Variants in TRANK1 observed in about 807,000 individuals in gnomAD.
The protein encoded by TRANK1 is tetratricopeptide repeat and ankyrin repeat containing 1.
TRANK1 carries 198 observed loss-of-function variants against 266.0 expected under a neutral mutation model. The ratio of observed to expected loss-of-function variants is 0.74; its 90% CI spans 0.66 to 0.84. The LOEUF (loss-of-function observed/expected upper bound fraction) is 0.84. Among genes scored for constraint, TRANK1 ranks in the 40% least tolerant of loss-of-function variants. The pLI, the probability that TRANK1 is intolerant of heterozygous loss-of-function variation, is 0.00. For missense variants in TRANK1, 3,326 were observed against 3,634.6 expected (o/e 0.92, Z 2.18); for synonymous variants, 1,396 against 1,384.1 (o/e 1.01, Z -0.19).
In TRANK1 at chr3:36,828,243, C is replaced by T. The variant is rs772742117; in HGVS notation, c.*32G>A. On this transcript the variant is annotated 3_prime_UTR_variant, in exon 24 of 24. Coordinates refer to ENST00000645898, the MANE Select transcript of TRANK1 (RefSeq NM_001329998.2). ...AATTCTAAGTCAGAATGGAATGTTCCGAAGGATGAGGAGGCTGCAGCTGTG... is the reference window on the plus strand; with the variant it reads ...AATTCTAAGTCAGAATGGAATGTTCTGAAGGATGAGGAGGCTGCAGCTGTG... 12 of 1,507,388 alleles carry T rather than the reference C, an allele frequency of 8.0e-6. No individual in the cohort carries two copies. The East Asian group carries it at 9.1e-5, about 11-fold the overall frequency. 93.4% of individuals were successfully genotyped at this position (1,507,388 alleles called of 1,614,324 possible). A position where few individuals can be genotyped will look rare whatever the true frequency, so the allele number is the denominator to read the frequency against.
At chr3:36,901,502 CA>C (rs1421777372) in intron 3 of TRANK1, among the ~76,000 whole-genome samples, 1 of 152,168 alleles carries the variant, frequency 6.6e-6, no homozygotes, top group Non-Finnish European at 1.5e-5. Flanking sequence ...TTAAAAATAT[CA>C]TAGAAGATCT....
intron 1 of TRANK1, among the ~76,000 whole-genome samples, chr3:36,917,757 CA>C (rs2080146413): frequency 6.6e-6 from 1 of 151,922 alleles, no homozygotes; most frequent in African/African-American, 2.4e-5. Flanking sequence ...ATATTGCCCC[CA>C]AAGGAAAGAA....
chr3:36,940,690 C>T (rs1396005033), intron 1 of TRANK1, among the ~76,000 whole-genome samples: 1 of 152,148 alleles, frequency 6.6e-6, no homozygotes, highest in Non-Finnish European at 1.5e-5. Context: ...CTCCACTAAT[C>T]CTTTTCCACA....
chr3:36,910,071 A>G (rs1348934267), intron 1 of TRANK1, among the ~76,000 whole-genome samples: 2 of 152,248 alleles, frequency 1.3e-5, no homozygotes, highest in African/African-American at 4.8e-5. Context: ...CCTCCGTTAT[A>G]AATAGCTTTC....
intron 1 of TRANK1, among the ~76,000 whole-genome samples, chr3:36,933,775 A>G (rs927449699): frequency 2.6e-5 from 4 of 152,244 alleles, no homozygotes; most frequent in Non-Finnish European, 5.9e-5. Context: ...TGGTAAAAAC[A>G]TAGCCCTAGT....
At chr3:36,931,468 A>G (rs2080359178) in intron 1 of TRANK1, among the ~76,000 whole-genome samples, 1 of 150,928 alleles carries the variant, frequency 6.6e-6, no homozygotes, top group African/African-American at 2.4e-5. Flanking sequence ...ACTCTGGGGA[A>G]CCAAGGCAGG....
intron 1 of TRANK1, 81 bp from the exon 2 acceptor site, chr3:36,908,535 G>A: frequency 8.1e-7 from 1 of 1,231,758 alleles, no homozygotes. Flanking sequence ...CTGAAATCTG[G>A]AGAAGGAGTT....
At chr3:36,847,434 T>C in intron 15 of TRANK1, 88 bp from the exon 16 acceptor site, 1 of 1,447,126 alleles carries the variant, frequency 6.9e-7, no homozygotes, top group Non-Finnish European at 9.4e-7. Flanking sequence ...AAACTAAGCC[T>C]CATCGGGGGA....
At chr3:36,842,798 C>G (rs977303669) in intron 17 of TRANK1, 88 bp from the exon 18 acceptor site, 1 of 1,163,334 alleles carries the variant, frequency 8.6e-7, no homozygotes, top group East Asian at 2.5e-5. Flanking sequence ...TCTCCTCCGC[C>G]AGCCATCAAA....
intron 9 of TRANK1, among the ~76,000 whole-genome samples, chr3:36,872,632 T>G (rs1322235532): frequency 6.6e-6 from 1 of 151,986 alleles, no homozygotes; most frequent in Non-Finnish European, 1.5e-5. Flanking sequence ...ACAAGATAAA[T>G]TATAAAAGGA....
Position 36,856,358 on chromosome 3 carries a change from C to G in TRANK1, c.3364G>C (p.Glu1122Gln), listed in dbSNP as rs1239738032. 1 of 1,580,022 alleles carries G rather than the reference C, an allele frequency of 6.3e-7. No homozygotes were observed. The highest frequency in any genetic ancestry group is 8.6e-7 in the Non-Finnish European group (1 of 1,162,986). Residue 1122 changes from glutamate to glutamine, a missense_variant, in exon 13 of 24, where the codon GAA becomes CAA. By Grantham distance (29) the Glu-to-Gln change is conservative. Coordinates refer to ENST00000645898, the MANE Select transcript of TRANK1 (RefSeq NM_001329998.2). ...QVWLKRRLEVEPGKESPGGEE... is the reference protein window; with the variant it reads ...QVWLKRRLEVQPGKESPGGEE... ...CCACCTGGACTCTCTTTTCCGGGTT[C>G]CACTTCCAACCTTCTCTTCAGCCAG...
chr3:36,901,846 G>A (rs1423974580), intron 3 of TRANK1, among the ~76,000 whole-genome samples: 1 of 152,198 alleles, frequency 6.6e-6, no homozygotes, highest in Non-Finnish European at 1.5e-5. Context: ...CTTGATGTAA[G>A]AGCATCAAGT....
intron 7 of TRANK1, 48 bp downstream of exon 7, chr3:36,892,154 T>C (rs771803789): frequency 1.3e-6 from 2 of 1,523,436 alleles, no homozygotes; most frequent in African/African-American, 1.4e-5. Flanking sequence ...GTTCCAGAAC[T>C]AGGCTAGAAG....
chr3:36,861,389 A>T (rs1322469516), intron 10 of TRANK1, among the ~76,000 whole-genome samples: 1 of 152,216 alleles, frequency 6.6e-6, no homozygotes, highest in Non-Finnish European at 1.5e-5. Context: ...CCCAGGAGAC[A>T]GAAGAATGAT....
At chr3:36,892,375 A>C in intron 6 of TRANK1, 35 bp from the exon 7 acceptor site, 1 of 1,536,304 alleles carries the variant, frequency 6.5e-7, no homozygotes, top group South Asian at 1.2e-5. Context: ...AAATTATGGA[A>C]GTCACTAATC....
chr3:36,879,041 T>C (rs1002978078), intron 8 of TRANK1, among the ~76,000 whole-genome samples: 3 of 152,010 alleles, frequency 2.0e-5, no homozygotes, highest in South Asian at 4.1e-4. Context: ...TTGATACACA[T>C]GGCTTCAGGA....
intron 1 of TRANK1, among the ~76,000 whole-genome samples, chr3:36,911,925 G>A (rs1396059916): frequency 2.0e-5 from 3 of 152,094 alleles, no homozygotes; most frequent in East Asian, 1.9e-4. Flanking sequence ...AGTGGCTCAC[G>A]CCTGTAAACC....
At chr3:36,860,089 T>C (rs11129738) in intron 11 of TRANK1, among the ~76,000 whole-genome samples, 35,675 of 152,138 alleles carry the variant, frequency 0.23, 4,761 homozygotes, top group East Asian at 0.57. Context: ...TAACACATAA[T>C]GTTTTTTCTC....
At chr3:36,926,438 G>A (rs139124737) in intron 1 of TRANK1, among the ~76,000 whole-genome samples, 12 of 152,218 alleles carry the variant, frequency 7.9e-5, no homozygotes, top group East Asian at 5.8e-4. Context: ...AGACTATACC[G>A]TTTACATGCA....
Sources: allele counts gnomAD v4.1 joint callset (sites outside exome capture counted in the v4.1 genomes callset), GRCh38; gene constraint gnomAD v4.1.1; transcripts MANE v1.5; gene names NCBI Gene and HGNC (gene_info 2026-07-23, HGNC 2026-07-21).